The following SLC35F3 variants were observed in gnomAD, a reference collection of about 807,000 sequenced individuals.
SLC35F3 encodes putative thiamine transporter SLC35F3.
Under a neutral mutation model 49.9 loss-of-function variants are expected in SLC35F3, and 25 were observed. The observed-to-expected ratio is 0.50, with a 90% CI of 0.37 to 0.70. The LOEUF is 0.70. SLC35F3 is among the 30% of genes least tolerant of loss of function. The pLI is 0.00. For synonymous variants in SLC35F3, 275 were observed against 265.4 expected, an observed-to-expected ratio of 1.04 and a Z score of -0.35; for missense variants, 525 against 639.8, an observed-to-expected ratio of 0.82 and a Z score of 1.94.
At chr1:234,173,972 T>C (rs922325658) in intron 2 of SLC35F3, among the ~76,000 whole-genome samples, 2 of 152,214 alleles carry the variant, frequency 1.3e-5, no homozygotes, top group African/African-American at 4.8e-5. Flanking sequence ...AGGACCCCTG[T>C]GTACAGCAGA....
intron 2 of SLC35F3, among the ~76,000 whole-genome samples, chr1:234,143,098 ATAT>A (rs952351753): frequency 1.3e-5 from 2 of 152,052 alleles, no homozygotes; most frequent in African/African-American, 4.8e-5. Context: ...TATAGGCACA[ATAT>A]TATTAACTTA....
intron 3 of SLC35F3, among the ~76,000 whole-genome samples, chr1:234,298,822 T>C (rs1668646739): frequency 6.6e-6 from 1 of 152,104 alleles, no homozygotes; most frequent in Admixed American, 6.5e-5. Flanking sequence ...TTAAGAAAAA[T>C]TATAAAAGTT....
chr1:234,252,612 A>T (rs1171826121), intron 3 of SLC35F3, among the ~76,000 whole-genome samples: 1 of 152,220 alleles, frequency 6.6e-6, no homozygotes, highest in Non-Finnish European at 1.5e-5. Flanking sequence ...ACTCAAATAC[A>T]TATGAAAAGA....
chr1:234,077,871 C>T (rs1664820352), intron 2 of SLC35F3, among the ~76,000 whole-genome samples: 1 of 152,184 alleles, frequency 6.6e-6, no homozygotes, highest in Non-Finnish European at 1.5e-5. Context: ...CCTCCACCCT[C>T]CACCTCCAAG....
intron 3 of SLC35F3, among the ~76,000 whole-genome samples, chr1:234,251,464 CAAAA>C (rs56891961): frequency 1.6e-5 from 2 of 123,834 alleles, no homozygotes; most frequent in Non-Finnish European, 3.4e-5. Flanking sequence ...CAAACTAAAC[CAAAA>C]AAAAAAAAAA....
Position 233,908,783 on chromosome 1 carries a change from C to T in SLC35F3, c.283+3025C>T, listed in dbSNP as rs1352358649. On this transcript the variant is annotated intron_variant, in intron 2 of 7. Coordinates refer to ENST00000366618, the MANE Select transcript of SLC35F3 (RefSeq NM_173508.4). ...ACTCCTGATCTCATGATCTGCCCACCTCGGCCTCCCAAAGTGCTGGAATTA... is the reference window on the plus strand; with the variant it reads ...ACTCCTGATCTCATGATCTGCCCACTTCGGCCTCCCAAAGTGCTGGAATTA... 3.3e-5 allele frequency among the ~76,000 whole-genome samples: 5 copies of T among 151,454 alleles called. No homozygotes were observed. In the East Asian group the frequency reaches 7.7e-4, roughly 23 times the overall value.
rs976601944 is a variant in SLC35F3, at chr1:233,957,786, C to T, written c.283+52028C>T. Among the ~76,000 whole-genome samples the T allele has an allele frequency of 1.3e-5, 2 of 152,030 alleles. No homozygotes were observed. Among genetic ancestry groups the T allele is most frequent in the Non-Finnish European group, 2.9e-5 (2 of 67,998 alleles). On this transcript the variant is annotated intron_variant, in intron 2 of 7. Coordinates refer to ENST00000366618, the MANE Select transcript of SLC35F3 (RefSeq NM_173508.4). The surrounding 1 kb of genome is among the most constrained non-coding windows in gnomAD (Gnocchi z 4.0). ...GCCGAGACTGCATGATTGCACTCCACCTAGGGCGACAAAAGCGAAACTCCA... is the reference window on the plus strand; with the variant it reads ...GCCGAGACTGCATGATTGCACTCCATCTAGGGCGACAAAAGCGAAACTCCA...
intron 2 of SLC35F3, among the ~76,000 whole-genome samples, chr1:233,939,790 A>G (rs1571988105): frequency 6.6e-6 from 1 of 152,314 alleles, no homozygotes; most frequent in African/African-American, 2.4e-5. Flanking sequence ...GGTTCACTTA[A>G]GCTTTCCTGG....
chr1:234,174,752 T>G (rs1666450753), intron 2 of SLC35F3, among the ~76,000 whole-genome samples: 1 of 152,240 alleles, frequency 6.6e-6, no homozygotes, highest in Admixed American at 6.5e-5. Context: ...GTCCTCTTTG[T>G]GAGTGGGCAA....
Position 234,320,208 on chromosome 1 carries a change from A to G in SLC35F3, c.1237+21A>G, listed in dbSNP as rs184075770. On this transcript the variant is annotated intron_variant, in intron 7 of 7. Transcript: ENST00000366618. This position sits in a 1 kb window ranked among gnomAD's most constrained non-coding sequence, Gnocchi z 4.8. ...TGCAGGTAAACCTATGCGGCTTTCT[A>G]TATCTGCACATAAGCACACACACTC... The G allele has an allele frequency of 4.8e-3, 7,427 of 1,552,370 alleles. 28 individuals are homozygous for G. Among genetic ancestry groups the G allele is most frequent in the Non-Finnish European group, 5.8e-3 (6,483 of 1,124,106 alleles).
intron 2 of SLC35F3, among the ~76,000 whole-genome samples, chr1:233,942,203 C>T (rs906957297): frequency 9.2e-5 from 14 of 151,704 alleles, no homozygotes; most frequent in Non-Finnish European, 1.5e-4. Context: ...CCTTGTGAGC[C>T]GCCCGCCTCA....
At chr1:234,230,640 C>A (rs1212706850) in intron 2 of SLC35F3, among the ~76,000 whole-genome samples, 1 of 152,204 alleles carries the variant, frequency 6.6e-6, no homozygotes, top group East Asian at 1.9e-4. Flanking sequence ...TCTGCGGGAA[C>A]AACACTGCCG....
intron 2 of SLC35F3, among the ~76,000 whole-genome samples, chr1:234,131,558 G>A (rs1022611575): frequency 6.6e-5 from 10 of 152,118 alleles, no homozygotes; most frequent in East Asian, 3.8e-4. Context: ...AAAGTAAACC[G>A]GACATGGAAC....
intron 2 of SLC35F3, among the ~76,000 whole-genome samples, chr1:234,144,026 C>A (rs923749448): frequency 6.6e-6 from 1 of 152,120 alleles, no homozygotes; most frequent in African/African-American, 2.4e-5. Flanking sequence ...AGAAGGTGTC[C>A]CACTGCCTGC....
chr1:234,123,333 G>A (rs1170714948), intron 2 of SLC35F3, among the ~76,000 whole-genome samples: 1 of 152,112 alleles, frequency 6.6e-6, no homozygotes, highest in East Asian at 1.9e-4. Flanking sequence ...TTGTAAATTT[G>A]TTTAAGCATT....
At chr1:233,978,776 TC>T (rs34817185) in intron 2 of SLC35F3, among the ~76,000 whole-genome samples, 51,830 of 152,034 alleles carry the variant, frequency 0.34, 10,898 homozygotes, top group Non-Finnish European at 0.48. Flanking sequence ...ACGCCTGTAA[TC>T]CCAGCACTTT....
chr1:234,189,366 T>TA (rs1156322131), intron 2 of SLC35F3, among the ~76,000 whole-genome samples: 2 of 149,798 alleles, frequency 1.3e-5, no homozygotes, highest in East Asian at 2.0e-4. Context: ...ATAGCATAAA[T>TA]AAAAAATAGT....
At chr1:234,255,339 C>T (rs901476381) in intron 3 of SLC35F3, among the ~76,000 whole-genome samples, 1 of 152,212 alleles carries the variant, frequency 6.6e-6, no homozygotes, top group Non-Finnish European at 1.5e-5. Flanking sequence ...AGATCTAGAA[C>T]ACTGACAACA....
At chr1:233,998,989 G>A (rs1663506724) in intron 2 of SLC35F3, among the ~76,000 whole-genome samples, 3 of 152,146 alleles carry the variant, frequency 2.0e-5, no homozygotes, top group Admixed American at 1.3e-4. Flanking sequence ...AGTTAAATAG[G>A]GTAATTATGC....
Sources: gnomAD v4.1 joint callset for allele counts (sites outside exome capture counted in the v4.1 genomes callset) on GRCh38, gnomAD v4.1.1 for gene constraint, Gnocchi (gnomAD v3.1) non-coding constraint, MANE v1.5 for transcripts, NCBI Gene and HGNC (gene_info 2026-07-23, HGNC 2026-07-21) for gene names.